SLC2A12: variants seen among roughly 807,000 people sequenced by gnomAD.
SLC2A12 encodes solute carrier family 2, facilitated glucose transporter member 12.
SLC2A12 carries 23 observed loss-of-function variants against 41.8 expected under a neutral mutation model. The observed-to-expected ratio is 0.55, with a 90% CI of 0.40 to 0.78. SLC2A12 has a LOEUF of 0.78. Among genes scored for constraint, SLC2A12 ranks in the 30% least tolerant of loss-of-function variants. The pLI, the probability that SLC2A12 is intolerant of heterozygous loss-of-function variation, is 0.00. For missense variants in SLC2A12, 654 were observed against 745.6 expected (o/e 0.88, Z 1.43); for synonymous variants, 295 against 285.9 (o/e 1.03, Z -0.32).
At chr6:133,993,477 G>A (rs954930451) in intron 4 of SLC2A12, among the ~76,000 whole-genome samples, 1 of 152,072 alleles carries the variant, frequency 6.6e-6, no homozygotes, top group Admixed American at 6.5e-5. Flanking sequence ...CCTTATTCTT[G>A]TATCCATTTC....
Position 133,989,622 on chromosome 6 carries a change from G to A in SLC2A12, c.*1533C>T, listed in dbSNP as rs1266402404. 6.6e-6 allele frequency: 1 copy of A among 152,072 alleles called. No individual in the cohort carries two copies. Among genetic ancestry groups the A allele is most frequent in the Non-Finnish European group, 1.5e-5 (1 of 68,006 alleles). 9.4% of individuals were successfully genotyped at this position (152,072 alleles called of 1,614,324 possible). On this transcript the variant is annotated 3_prime_UTR_variant, in exon 5 of 5. Coordinates refer to ENST00000275230, the MANE Select transcript of SLC2A12 (RefSeq NM_145176.3). The stretch of plus-strand genomic sequence containing the variant: ...AGATCTCCAATCTCCTTTCCTTTTA[G>A]CTTCCCCCTGCCAATTTTTATACAG...
At chr6:134,018,657 C>T (rs1776999951) in intron 2 of SLC2A12, among the ~76,000 whole-genome samples, 2 of 152,308 alleles carry the variant, frequency 1.3e-5, no homozygotes, top group East Asian at 3.9e-4. Context: ...TCCAAGCATG[C>T]CCTTTCACTT....
intron 2 of SLC2A12, among the ~76,000 whole-genome samples, chr6:134,028,071 A>C (rs1777138310): frequency 2.0e-5 from 3 of 152,194 alleles, no homozygotes. Flanking sequence ...TTATGAAAGC[A>C]AATTTTGCTT....
intron 2 of SLC2A12, among the ~76,000 whole-genome samples, chr6:134,010,618 G>C (rs754762887): frequency 2.6e-5 from 4 of 152,028 alleles, no homozygotes; most frequent in Non-Finnish European, 4.4e-5. Context: ...TTGGACTTGT[G>C]GGGGGGCGGA....
chr6:134,037,648 C>T (rs1777322908), intron 1 of SLC2A12, among the ~76,000 whole-genome samples: 1 of 152,150 alleles, frequency 6.6e-6, no homozygotes, highest in Admixed American at 6.5e-5. Context: ...CTACACCCGG[C>T]CAGGTTAGCT....
intron 4 of SLC2A12, among the ~76,000 whole-genome samples, chr6:133,999,820 C>T (rs1447451879): frequency 6.6e-6 from 1 of 152,152 alleles, no homozygotes; most frequent in Admixed American, 6.5e-5. Flanking sequence ...TGTTATGCAG[C>T]AATGGATAAT....
intron 1 of SLC2A12, among the ~76,000 whole-genome samples, chr6:134,037,191 G>A (rs143420263): frequency 1.1e-4 from 13 of 113,690 alleles, no homozygotes; most frequent in African/African-American, 4.6e-4. Flanking sequence ...GTGTCACTCT[G>A]TCGCCCAGGC....
At chr6:134,023,552 A>T (rs1000233069) in intron 2 of SLC2A12, among the ~76,000 whole-genome samples, 1 of 152,214 alleles carries the variant, frequency 6.6e-6, no homozygotes. Flanking sequence ...ATGTGAGACG[A>T]TGGAACTGGA....
At chr6:134,026,525 T>G (rs868797354) in intron 2 of SLC2A12, among the ~76,000 whole-genome samples, 1 of 152,266 alleles carries the variant, frequency 6.6e-6, no homozygotes, top group East Asian at 1.9e-4. Context: ...TAAAGTGTCA[T>G]AGTAGCCATA....
In SLC2A12 at chr6:133,991,211, C is replaced by CCAAGAGCTGCTCCTGGGGTTTTCTTTTT; in HGVS notation, c.1770_1797dup (p.Glu600LysfsTer12). ...CCCCTACCACACAGCTTGTTACACTCCAAGAGCTGCTCCTGGGGTTTTCTT... is the reference window on the plus strand; with the variant it reads ...CCCCTACCACACAGCTTGTTACACTCCAAGAGCTGCTCCTGGGGTTTTCTTTTTCAAGAGCTGCTCCTGGGGTTTTCTT... On this transcript the variant is annotated frameshift_variant, in exon 5 of 5. Coordinates refer to ENST00000275230, the MANE Select transcript of SLC2A12 (RefSeq NM_145176.3). LOFTEE classifies it high-confidence loss of function. The CCAAGAGCTGCTCCTGGGGTTTTCTTTTT allele has an allele frequency of 6.2e-7, 1 of 1,614,102 alleles. No homozygotes were observed. The highest frequency in any genetic ancestry group is 8.5e-7 in the Non-Finnish European group (1 of 1,180,018).
At chr6:133,995,111 G>A (rs1362195883) in intron 4 of SLC2A12, among the ~76,000 whole-genome samples, 5 of 152,180 alleles carry the variant, frequency 3.3e-5, no homozygotes, top group South Asian at 2.1e-4. Flanking sequence ...TGATGACAGC[G>A]AATATAGACA....
At chr6:134,017,564 A>G (rs1016079144) in intron 2 of SLC2A12, among the ~76,000 whole-genome samples, 2 of 152,190 alleles carry the variant, frequency 1.3e-5, no homozygotes, top group African/African-American at 2.4e-5. Context: ...AGAAGAGTGG[A>G]CATTTAGGCC....
chr6:134,018,215 A>T (rs1776990179), intron 2 of SLC2A12, among the ~76,000 whole-genome samples: 1 of 152,220 alleles, frequency 6.6e-6, no homozygotes, highest in Non-Finnish European at 1.5e-5. Context: ...GACCACAGCC[A>T]GACATTTAAT....
intron 1 of SLC2A12, among the ~76,000 whole-genome samples, chr6:134,032,541 A>G (rs1422601805): frequency 6.9e-6 from 1 of 144,052 alleles, no homozygotes; most frequent in East Asian, 2.0e-4. Context: ...ATGGAGTTAT[A>G]TGCTACAGAA....
chr6:133,991,847 G>T (rs1254213881), intron 4 of SLC2A12, among the ~76,000 whole-genome samples: 1 of 152,182 alleles, frequency 6.6e-6, no homozygotes, highest in Non-Finnish European at 1.5e-5. Flanking sequence ...TATGTAGGTA[G>T]TATGGGTTGA....
chr6:134,017,265 G>C (rs1165964688), intron 2 of SLC2A12, among the ~76,000 whole-genome samples: 2 of 151,896 alleles, frequency 1.3e-5, no homozygotes, highest in Non-Finnish European at 2.9e-5. Context: ...AATAATTTTT[G>C]GCCAAATGTG....
intron 1 of SLC2A12, among the ~76,000 whole-genome samples, chr6:134,030,718 C>A (rs114173390): frequency 6.6e-6 from 1 of 152,168 alleles, no homozygotes; most frequent in Non-Finnish European, 1.5e-5. Context: ...CAACATATAA[C>A]ATGTGGGGCA....
chr6:134,016,027 A>C (rs560540980), intron 2 of SLC2A12, among the ~76,000 whole-genome samples: 2 of 152,294 alleles, frequency 1.3e-5, no homozygotes, highest in African/African-American at 2.4e-5. Context: ...AATAGAAAGA[A>C]AGACATTTGA....
At chr6:134,030,636 C>T (rs1777191675) in intron 1 of SLC2A12, among the ~76,000 whole-genome samples, 1 of 152,094 alleles carries the variant, frequency 6.6e-6, no homozygotes, top group Admixed American at 6.5e-5. Flanking sequence ...GTATTTCAGG[C>T]CCAGGAGAAA....
Sources: allele counts gnomAD v4.1 joint callset (sites outside exome capture counted in the v4.1 genomes callset), GRCh38; gene constraint gnomAD v4.1.1; transcripts MANE v1.5; gene names NCBI Gene and HGNC (gene_info 2026-07-23, HGNC 2026-07-21).